DOCK2: variants seen among roughly 807,000 people sequenced by gnomAD.
DOCK2 encodes the protein dedicator of cytokinesis 2.
Under a neutral mutation model 248.9 loss-of-function variants are expected in DOCK2, and 87 were observed. That is an observed-to-expected ratio of 0.35 (90% CI 0.29 to 0.42). The LOEUF is 0.42. Among genes scored for constraint, DOCK2 ranks in the 10% least tolerant of loss-of-function variants. DOCK2 has a pLI of 1.00. For synonymous variants in DOCK2, 805 were observed against 821.6 expected, an observed-to-expected ratio of 0.98 and a Z score of 0.35; for missense variants, 1,747 against 2,300.2, an observed-to-expected ratio of 0.76 and a Z score of 4.92.
intron 27 of DOCK2, among the ~76,000 whole-genome samples, chr5:169,871,651 T>G (rs261021): frequency 0.81 from 123,227 of 152,232 alleles, 50,755 homozygotes; most frequent in African/African-American, 0.94. Flanking sequence ...TGGACTGAAA[T>G]AACATAGTAA....
At chr5:169,693,026 G>T (rs1405571409) in intron 9 of DOCK2, among the ~76,000 whole-genome samples, 1 of 152,094 alleles carries the variant, frequency 6.6e-6, no homozygotes, top group African/African-American at 2.4e-5. Flanking sequence ...TGTGGGGGTG[G>T]GGGAGCAATT....
intron 7 of DOCK2, among the ~76,000 whole-genome samples, chr5:169,682,261 C>A (rs143409257): frequency 1.9e-3 from 294 of 152,382 alleles, no homozygotes; most frequent in Non-Finnish European, 3.4e-3. Flanking sequence ...AAAGGCACTG[C>A]CAGGAGAGGC....
chr5:169,801,337 GTC>G (rs1185540286), intron 25 of DOCK2, among the ~76,000 whole-genome samples: 7 of 151,914 alleles, frequency 4.6e-5, no homozygotes, highest in African/African-American at 1.5e-4. Context: ...TAAGAGCACA[GTC>G]TCTGCAGTCG....
intron 27 of DOCK2, among the ~76,000 whole-genome samples, chr5:169,975,921 G>A (rs545677610): frequency 6.6e-6 from 1 of 152,280 alleles, no homozygotes; most frequent in African/African-American, 2.4e-5. Context: ...ATTAAGAAAT[G>A]TGTGAAAGAA....
chr5:170,076,209 GC>G (rs1445058171), intron 47 of DOCK2, 125 bp downstream of exon 47: 3 of 1,378,208 alleles, frequency 2.2e-6, no homozygotes, highest in Non-Finnish European at 2.9e-6. Flanking sequence ...GATAATGATG[GC>G]CAGCATTGCT....
At chr5:169,993,045 T>C (rs1778249627) in intron 29 of DOCK2, among the ~76,000 whole-genome samples, 1 of 152,248 alleles carries the variant, frequency 6.6e-6, no homozygotes, top group Admixed American at 6.5e-5. Context: ...GATAGCTTTG[T>C]TGGTGCTGAG....
chr5:169,969,870 G>C (rs941084404), intron 27 of DOCK2, among the ~76,000 whole-genome samples: 4 of 152,258 alleles, frequency 2.6e-5, no homozygotes, highest in African/African-American at 9.6e-5. Flanking sequence ...GACTGGGATT[G>C]CTGGATCTTC....
intron 15 of DOCK2, among the ~76,000 whole-genome samples, chr5:169,710,271 G>A (rs1341387439): frequency 7.2e-5 from 11 of 152,276 alleles, no homozygotes; most frequent in Non-Finnish European, 1.5e-4. Flanking sequence ...AGGCCAGGTG[G>A]GTGAGCACCC....
At chr5:169,861,974 C>T (rs1435774069) in intron 27 of DOCK2, among the ~76,000 whole-genome samples, 1 of 150,560 alleles carries the variant, frequency 6.6e-6, no homozygotes, top group Non-Finnish European at 1.5e-5. Context: ...AAAATGTCAA[C>T]ATTTTCTAGT....
intron 27 of DOCK2, among the ~76,000 whole-genome samples, chr5:169,843,564 A>G (rs1239127672): frequency 3.3e-5 from 5 of 152,236 alleles, no homozygotes; most frequent in African/African-American, 1.2e-4. Flanking sequence ...GTTTTATTGA[A>G]GTATAGTTTA....
intron 10 of DOCK2, among the ~76,000 whole-genome samples, 153 bp from the exon 11 acceptor site, chr5:169,698,221 G>A (rs529655511): frequency 9.2e-4 from 140 of 152,320 alleles, no homozygotes; most frequent in Middle Eastern, 3.4e-3. Flanking sequence ...TGCTGTCTGA[G>A]TGTTGTGCAG....
At chr5:170,040,744 G>T in intron 36 of DOCK2, 1 of 283,964 alleles carries the variant, frequency 3.5e-6, no homozygotes. Context: ...AGCTGGAATG[G>T]CACCTAACTT....
chr5:169,706,981 C>T lies in DOCK2; in HGVS notation c.1384-1188C>T, dbSNP rs1411737325. Among the ~76,000 whole-genome samples the T allele has an allele frequency of 2.0e-5, 3 of 152,196 alleles. No homozygotes were observed. In the East Asian group the frequency reaches 5.8e-4, roughly 29 times the overall value. ...GACCCACGGGAGAATCTGATTGAATCTCATGAGAGGCATGACTCGCTCACC... is the reference window on the plus strand; with the variant it reads ...GACCCACGGGAGAATCTGATTGAATTTCATGAGAGGCATGACTCGCTCACC... On this transcript the variant is annotated intron_variant, in intron 14 of 51. Transcript: ENST00000520908.
intron 33 of DOCK2, among the ~76,000 whole-genome samples, chr5:170,026,118 A>T (rs759819626): frequency 3.4e-4 from 52 of 152,166 alleles, no homozygotes; most frequent in Non-Finnish European, 6.3e-4. Flanking sequence ...TCCCTCCCTT[A>T]GATCCTTTGT....
chr5:169,840,611 A>G (rs1438469579), intron 26 of DOCK2, 146 bp from the exon 27 acceptor site: 4 of 680,146 alleles, frequency 5.9e-6, no homozygotes, highest in Non-Finnish European at 1.1e-5. Flanking sequence ...GATGATGATG[A>G]TGATGATGAT....
chr5:169,701,894 T>C (rs749779340), intron 13 of DOCK2, among the ~76,000 whole-genome samples: 1 of 152,164 alleles, frequency 6.6e-6, no homozygotes, highest in Non-Finnish European at 1.5e-5. Context: ...CTAGGACACA[T>C]GGAAAGTTGC....
At chr5:170,025,438 G>A (rs561360916) in intron 33 of DOCK2, among the ~76,000 whole-genome samples, 16 of 152,220 alleles carry the variant, frequency 1.1e-4, no homozygotes, top group Non-Finnish European at 2.1e-4. Context: ...TACAGGAAAT[G>A]TTTGCCAGTC....
At chr5:169,866,101 G>A (rs1259455000) in intron 27 of DOCK2, among the ~76,000 whole-genome samples, 1 of 148,014 alleles carries the variant, frequency 6.8e-6, no homozygotes, top group Non-Finnish European at 1.5e-5. Flanking sequence ...AGGGGCGAGG[G>A]GGCCTGTTTT....
intron 27 of DOCK2, among the ~76,000 whole-genome samples, chr5:169,917,000 C>A (rs1352679296): frequency 2.6e-5 from 4 of 152,164 alleles, no homozygotes; most frequent in Non-Finnish European, 4.4e-5. Flanking sequence ...TCGTTCATTG[C>A]AAATATGGTG....
Sources: gnomAD v4.1 joint callset for allele counts (sites outside exome capture counted in the v4.1 genomes callset) on GRCh38, gnomAD v4.1.1 for gene constraint, MANE v1.5 for transcripts, NCBI Gene and HGNC (gene_info 2026-07-23, HGNC 2026-07-21) for gene names.